AP4S1: variants seen among roughly 807,000 people sequenced by gnomAD.
AP4S1 encodes the protein AP-4 complex subunit sigma-1.
Under a neutral mutation model 19.8 loss-of-function variants are expected in AP4S1, and 23 were observed. The ratio of observed to expected loss-of-function variants is 1.16; its 90% CI spans 0.84 to 1.65. The LOEUF (loss-of-function observed/expected upper bound fraction) is 1.65, where lower values mean the gene tolerates loss of function less well. Among genes scored for constraint, AP4S1 ranks in the 40% most tolerant of loss-of-function variants. AP4S1 has a pLI of 0.00. For missense variants in AP4S1, 166 were observed against 172.8 expected, an observed-to-expected ratio of 0.96 and a Z score of 0.22; for synonymous variants, 46 against 54.1, an observed-to-expected ratio of 0.85 and a Z score of 0.66.
intron 2 of AP4S1, among the ~76,000 whole-genome samples, chr14:31,067,830 C>G (rs1886806688): frequency 6.7e-6 from 1 of 149,244 alleles, no homozygotes; most frequent in African/African-American, 2.5e-5. Flanking sequence ...AAAACTGAGT[C>G]CATTTTGCAA....
intron 5 of AP4S1, among the ~76,000 whole-genome samples, chr14:31,087,552 G>T (rs1887953781): frequency 2.0e-5 from 3 of 151,986 alleles, no homozygotes; most frequent in African/African-American, 7.2e-5. Context: ...ACAGGATTTT[G>T]CCATTTTGGC....
At chr14:31,067,954 C>T (rs915962589) in intron 2 of AP4S1, among the ~76,000 whole-genome samples, 2 of 152,064 alleles carry the variant, frequency 1.3e-5, no homozygotes, top group African/African-American at 4.8e-5. Flanking sequence ...CCACAACATC[C>T]ACCTCCCAGG....
At chr14:31,055,919 C>T (rs1886087338) in intron 1 of AP4S1, among the ~76,000 whole-genome samples, 1 of 151,056 alleles carries the variant, frequency 6.6e-6, no homozygotes, top group East Asian at 2.0e-4. Flanking sequence ...TCTCGACTCA[C>T]TGCAACCTCA....
In AP4S1 at chr14:31,069,887, G is replaced by A. The variant is rs1566535427; in HGVS notation, c.183G>A (p.Gln61=). The A allele has an allele frequency of 1.2e-6, 2 of 1,613,736 alleles. No individual in the cohort carries two copies. The highest frequency in any genetic ancestry group is 2.2e-5 in the East Asian group (1 of 44,874). The part of the protein sequence containing the change: ...EYKDFKLIYR[Q]YAALFIVVGV... The stretch of plus-strand genomic sequence containing the variant: ...AGGATTTTAAGCTGATATATCGGCA[G>A]TATGCAGCTCTCTTCATTGTGGTTG... Residue 61 remains glutamine (Q), a synonymous_variant, in exon 3 of 6, where the codon CAG becomes CAA. Coordinates refer to ENST00000542754, the MANE Select transcript of AP4S1 (RefSeq NM_001128126.3).
chr14:31,026,390 C>G, intron 1 of AP4S1: 1 of 378,786 alleles, frequency 2.6e-6, no homozygotes, highest in Non-Finnish European at 4.6e-6. Flanking sequence ...GCCCGTCTCA[C>G]TCACTCACTT....
rs1469085754 is a variant in AP4S1, at chr14:31,066,130, C to T, written c.-67C>T. 3.8e-5 allele frequency: 57 copies of T among 1,508,414 alleles called. No individual in the cohort carries two copies. The highest frequency in any genetic ancestry group is 4.6e-6 in the Non-Finnish European group (5 of 1,089,800). 93.4% of individuals were successfully genotyped at this position (1,508,414 alleles called of 1,614,324 possible). On this transcript the variant is annotated 5_prime_UTR_variant, in exon 2 of 6. Coordinates refer to ENST00000542754, the MANE Select transcript of AP4S1 (RefSeq NM_001128126.3). Reference sequence around the variant, plus strand: ...TTGTTTGTTTTTGTCTTCAAGGTTCCAGTTACAGCCATCCCTTGTCATAAC... The same window carrying T: ...TTGTTTGTTTTTGTCTTCAAGGTTCTAGTTACAGCCATCCCTTGTCATAAC...
chr14:31,053,448 G>T (rs563571521), intron 1 of AP4S1, among the ~76,000 whole-genome samples: 1 of 152,104 alleles, frequency 6.6e-6, no homozygotes, highest in East Asian at 1.9e-4. Context: ...AGCAAGTCAC[G>T]AAGAACAGAG....
chr14:31,069,872 G>T lies in AP4S1; in HGVS notation c.168G>T (p.Lys56Asn). 1 of 1,613,512 alleles carries T rather than the reference G, an allele frequency of 6.2e-7. No homozygotes were observed. Among genetic ancestry groups the T allele is most frequent in the Non-Finnish European group, 8.5e-7 (1 of 1,179,442 alleles). ...CTTTCATTGAATATAAGGATTTTAA[G>T]CTGATATATCGGCAGTATGCAGCTC... is the stretch of plus-strand genomic sequence containing the variant. ...QCSFIEYKDF[K>N]LIYRQYAALF... Residue 56 changes from lysine to asparagine, a missense_variant, in exon 3 of 6, where the codon AAG becomes AAT. By Grantham distance (94) the Lys-to-Asn change is moderately conservative. Coordinates refer to ENST00000542754, the MANE Select transcript of AP4S1 (RefSeq NM_001128126.3).
chr14:31,052,747 A>G (rs1177817845), intron 1 of AP4S1, among the ~76,000 whole-genome samples: 1 of 150,500 alleles, frequency 6.6e-6, no homozygotes, highest in African/African-American at 2.4e-5. Flanking sequence ...AAAAAAAAAA[A>G]GGTAGAATCA....
chr14:31,070,692 C>G (rs892582783), intron 3 of AP4S1, among the ~76,000 whole-genome samples: 1 of 152,194 alleles, frequency 6.6e-6, no homozygotes, highest in African/African-American at 2.4e-5. Flanking sequence ...TACCAGTGCC[C>G]TGCCCTTGTT....
At chr14:31,074,651 C>T (rs1279248655) in intron 4 of AP4S1, among the ~76,000 whole-genome samples, 4 of 151,546 alleles carry the variant, frequency 2.6e-5, no homozygotes, top group Admixed American at 6.6e-5. Flanking sequence ...CCAGCCTGGG[C>T]GACAGAGCAA....
rs375288660 is a variant in AP4S1 at position 31,073,421 on chromosome 14, C to T, written c.294+448C>T. Among the ~76,000 whole-genome samples, 76 of 135,798 alleles carry T rather than the reference C, an allele frequency of 5.6e-4. 3 individuals carry two copies. The highest frequency in any genetic ancestry group is 1.6e-3 in the African/African-American group (63 of 38,642). The allele number at this position is 135,798 out of a possible 152,430, so 89.1% of individuals were successfully genotyped here. A position where few individuals can be genotyped will look rare whatever the true frequency, so the allele number is the denominator to read the frequency against. On this transcript the variant is annotated intron_variant, in intron 4 of 5. Transcript: ENST00000542754. ...AGGAGAATGGCGTGAACCCGGGAGG[C>T]GGAGCTTGCAGTGAGCCGAGATCCC...
chr14:31,078,239 G>A (rs1312191208), intron 4 of AP4S1, among the ~76,000 whole-genome samples: 1 of 152,204 alleles, frequency 6.6e-6, no homozygotes, highest in African/African-American at 2.4e-5. Flanking sequence ...CTTGGCAAGA[G>A]CACCATAGAC....
At chr14:31,086,793 C>T (rs1479955181) in intron 5 of AP4S1, among the ~76,000 whole-genome samples, 3 of 152,034 alleles carry the variant, frequency 2.0e-5, no homozygotes, top group African/African-American at 4.8e-5. Flanking sequence ...TCGTAGGAGC[C>T]GGATACTTTG....
At chr14:31,091,874 C>T (rs1442080060) in intron 5 of AP4S1, among the ~76,000 whole-genome samples, 1 of 152,190 alleles carries the variant, frequency 6.6e-6, no homozygotes, top group Non-Finnish European at 1.5e-5. Flanking sequence ...AGACCAGGAT[C>T]ATGCTCTTTA....
intron 5 of AP4S1, among the ~76,000 whole-genome samples, chr14:31,088,807 CAAAA>C (rs1283476951): frequency 2.8e-5 from 1 of 35,350 alleles, no homozygotes; most frequent in Non-Finnish European, 6.0e-5. Context: ...GACTCCATCT[CAAAA>C]AAAAAAAAAA....
At chr14:31,039,028 T>G (rs549736092) in intron 1 of AP4S1, among the ~76,000 whole-genome samples, 2 of 152,136 alleles carry the variant, frequency 1.3e-5, no homozygotes, top group Admixed American at 6.5e-5. Context: ...GTTTGGTTTT[T>G]TGAGACGGTC....
intron 1 of AP4S1, among the ~76,000 whole-genome samples, chr14:31,048,028 T>G (rs1160012525): frequency 6.6e-6 from 1 of 151,966 alleles, no homozygotes; most frequent in Non-Finnish European, 1.5e-5. Context: ...TGCATTTAGG[T>G]CTATGATCTG....
intron 1 of AP4S1, among the ~76,000 whole-genome samples, chr14:31,036,945 C>T (rs921100255): frequency 2.6e-5 from 4 of 151,420 alleles, no homozygotes; most frequent in African/African-American, 7.3e-5. Context: ...CCCAAGTAGC[C>T]GGAACTAGAG....
Sources: gnomAD v4.1 joint callset for allele counts (sites outside exome capture counted in the v4.1 genomes callset) on GRCh38, gnomAD v4.1.1 for gene constraint, MANE v1.5 for transcripts, NCBI Gene and HGNC (gene_info 2026-07-23, HGNC 2026-07-21) for gene names.